Variants in FSHR observed in about 807,000 individuals in gnomAD.
The protein encoded by FSHR is follicle-stimulating hormone receptor.
FSHR carries 46 observed loss-of-function variants against 52.1 expected under a neutral mutation model. The ratio of observed to expected loss-of-function variants is 0.88; its 90% confidence interval spans 0.70 to 1.13. The LOEUF (loss-of-function observed/expected upper bound fraction) is 1.13, where lower values mean the gene tolerates loss of function less well. Ranked by LOEUF, FSHR falls within the 50% of genes most tolerant of loss-of-function variation. The pLI is 0.00. For synonymous variants in FSHR, 399 were observed against 309.6 expected (o/e 1.29, Z -3.03); for missense variants, 964 against 834.6 (o/e 1.16, Z -1.91).
intron 1 of FSHR, among the ~76,000 whole-genome samples, chr2:49,129,796 G>A (rs1016505745): frequency 3.3e-5 from 5 of 152,224 alleles, no homozygotes; most frequent in Non-Finnish European, 2.9e-5. Flanking sequence ...ATCCTGACGC[G>A]CCTTCAAAAT....
At chr2:49,060,926 T>C (rs1439884872) in intron 2 of FSHR, among the ~76,000 whole-genome samples, 1 of 152,152 alleles carries the variant, frequency 6.6e-6, no homozygotes, top group Non-Finnish European at 1.5e-5. Context: ...CCAGGGTCTA[T>C]GGTCACTACT....
At chr2:49,021,857 CTCTCTCTATATATATA>C (rs1461365256) in intron 2 of FSHR, among the ~76,000 whole-genome samples, 1 of 37,708 alleles carries the variant, frequency 2.7e-5, no homozygotes, top group Non-Finnish European at 4.8e-5. Flanking sequence ...CTCTCTCTCT[CTCTCTCTATATATATA>C]TATATATATA....
intron 4 of FSHR, among the ~76,000 whole-genome samples, chr2:49,016,876 G>C (rs1667508929): frequency 6.6e-6 from 1 of 152,136 alleles, no homozygotes; most frequent in South Asian, 2.1e-4. Context: ...TAACTCCAGC[G>C]ACCAAATTCT....
intron 8 of FSHR, among the ~76,000 whole-genome samples, chr2:48,970,051 C>T (rs528813099): frequency 1.3e-5 from 2 of 152,284 alleles, no homozygotes; most frequent in East Asian, 3.9e-4. Flanking sequence ...TTAATGTTGG[C>T]ATTCCCTGTA....
At chr2:49,043,634 C>G (rs1040955901) in intron 2 of FSHR, among the ~76,000 whole-genome samples, 6 of 152,240 alleles carry the variant, frequency 3.9e-5, no homozygotes, top group Non-Finnish European at 7.4e-5. Context: ...AGCATCTTGC[C>G]TAGAGAATCA....
At chr2:49,026,441 T>A (rs1667913126) in intron 2 of FSHR, among the ~76,000 whole-genome samples, 1 of 152,174 alleles carries the variant, frequency 6.6e-6, no homozygotes, top group African/African-American at 2.4e-5. Context: ...AACAACCTTG[T>A]CAGCTAAGTG....
chr2:49,103,971 A>G (rs1671132047), intron 1 of FSHR, among the ~76,000 whole-genome samples: 2 of 115,036 alleles, frequency 1.7e-5, no homozygotes, highest in African/African-American at 7.2e-5. Context: ...TAGGTGGGCT[A>G]TGTTTTTTTT....
In FSHR at chr2:49,035,891, A is replaced by C. The variant is rs753480788; in HGVS notation, c.225-15731T>G. 5.9e-5 allele frequency among the ~76,000 whole-genome samples: 9 copies of C among 152,246 alleles called. 1 individual carries two copies. The highest frequency in any genetic ancestry group is 8.8e-5 in the Non-Finnish European group (6 of 68,046). ...TCTTTGAGCAAGTAGAGCTGTAGAT[A>C]GGTATTTCTTAGATCATAAGATGCA... On this transcript the variant is annotated intron_variant, in intron 2 of 9. Coordinates refer to ENST00000406846, the MANE Select transcript of FSHR (RefSeq NM_000145.4).
intron 1 of FSHR, among the ~76,000 whole-genome samples, chr2:49,103,157 G>C (rs182865583): frequency 1.3e-5 from 2 of 152,184 alleles, no homozygotes; most frequent in African/African-American, 4.8e-5. Flanking sequence ...TTGCCTCCTT[G>C]GGAGCAGTAT....
At chr2:49,019,976 A>G (rs1191787944) in intron 3 of FSHR, 110 bp downstream of exon 3, 14 of 923,360 alleles carry the variant, frequency 1.5e-5, no homozygotes, top group South Asian at 1.0e-4. Flanking sequence ...TATAATGACA[A>G]TCTAGGGATC....
chr2:49,049,207 C>A lies in FSHR; in HGVS notation c.224+19012G>T, dbSNP rs557973817. Among the ~76,000 whole-genome samples the A allele has an allele frequency of 5.2e-4, 79 of 151,930 alleles. 1 individual carries two copies. Among genetic ancestry groups the A allele is most frequent in the South Asian group, 1.9e-3 (9 of 4,804 alleles). On this transcript the variant is annotated intron_variant, in intron 2 of 9. Coordinates refer to ENST00000406846, the MANE Select transcript of FSHR (RefSeq NM_000145.4). ...AAGGAGGAAAAAAAAAAGGCCAATT[C>A]ATTTTCTGGTATATCTCTGAGCACT...
intron 8 of FSHR, 106 bp downstream of exon 8, chr2:48,982,806 T>G (rs1675311131): frequency 5.0e-6 from 5 of 996,730 alleles, no homozygotes; most frequent in Non-Finnish European, 8.0e-6. Flanking sequence ...AAAATTGAAC[T>G]TGATGGCCAG....
intron 1 of FSHR, among the ~76,000 whole-genome samples, chr2:49,138,983 T>C (rs938152928): frequency 2.0e-4 from 31 of 152,194 alleles, no homozygotes; most frequent in African/African-American, 7.5e-4. Context: ...GTCTGTGCAA[T>C]AGCAAGCTTA....
intron 1 of FSHR, among the ~76,000 whole-genome samples, chr2:49,104,483 T>TAAAGC (rs1447053258): frequency 1.5e-4 from 23 of 152,314 alleles, no homozygotes; most frequent in African/African-American, 5.3e-4. Flanking sequence ...CATCAAGGCT[T>TAAAGC]TTCTTTTAGA....
At chr2:49,080,786 T>A (rs534688069) in intron 1 of FSHR, among the ~76,000 whole-genome samples, 11 of 152,292 alleles carry the variant, frequency 7.2e-5, no homozygotes, top group African/African-American at 2.6e-4. Context: ...AGCAAACAAC[T>A]GGTCTGTGAA....
At chr2:49,113,627 T>A (rs934284985) in intron 1 of FSHR, among the ~76,000 whole-genome samples, 2 of 152,138 alleles carry the variant, frequency 1.3e-5, no homozygotes, top group Non-Finnish European at 2.9e-5. Context: ...GAACAACATT[T>A]TCTTCATTTT....
chr2:48,986,096 T>C (rs903355330), intron 6 of FSHR, among the ~76,000 whole-genome samples: 2 of 152,176 alleles, frequency 1.3e-5, no homozygotes, highest in African/African-American at 2.4e-5. Context: ...GTAATAACCA[T>C]AGTACCCAAT....
chr2:49,093,396 T>C (rs1276214906), intron 1 of FSHR, among the ~76,000 whole-genome samples: 1 of 152,190 alleles, frequency 6.6e-6, no homozygotes, highest in East Asian at 1.9e-4. Context: ...CATACACATT[T>C]AAATCATTGT....
chr2:49,062,879 T>C (rs1194731990), intron 2 of FSHR, among the ~76,000 whole-genome samples: 2 of 151,352 alleles, frequency 1.3e-5, no homozygotes, highest in East Asian at 3.9e-4. Flanking sequence ...CCAGTGAAAA[T>C]GGATATTATA....
Sources: allele counts gnomAD v4.1 joint callset (sites outside exome capture counted in the v4.1 genomes callset), GRCh38; gene constraint gnomAD v4.1.1; transcripts MANE v1.5; gene names NCBI Gene and HGNC (gene_info 2026-07-23, HGNC 2026-07-21).